Variants in NUDT3 observed in about 807,000 individuals in gnomAD.
The protein encoded by NUDT3 is diphosphoinositol polyphosphate phosphohydrolase 1.
Under a neutral mutation model 23.6 loss-of-function variants are expected in NUDT3, and 9 were observed. The ratio of observed to expected loss-of-function variants is 0.38; its 90% CI spans 0.23 to 0.66. NUDT3 has a LOEUF of 0.66. Among genes scored for constraint, NUDT3 ranks in the 30% least tolerant of loss-of-function variants. The pLI is 0.52. For missense variants in NUDT3, 172 were observed against 218.5 expected, an observed-to-expected ratio of 0.79 and a Z score of 1.34; for synonymous variants, 86 against 82.6, an observed-to-expected ratio of 1.04 and a Z score of -0.22.
chr6:34,303,909 C>T (rs1038794405), intron 2 of NUDT3, among the ~76,000 whole-genome samples: 16 of 152,114 alleles, frequency 1.1e-4, no homozygotes, highest in African/African-American at 3.9e-4. Context: ...AAAACAGATA[C>T]CATATGAATT....
intron 2 of NUDT3, among the ~76,000 whole-genome samples, chr6:34,336,808 G>A (rs999173265): frequency 6.6e-6 from 1 of 151,794 alleles, no homozygotes; most frequent in African/African-American, 2.4e-5. Flanking sequence ...TGAAACATCT[G>A]AAGGTTTTCA....
chr6:34,376,368 T>C (rs1764923159), intron 1 of NUDT3, among the ~76,000 whole-genome samples: 1 of 152,248 alleles, frequency 6.6e-6, no homozygotes. Flanking sequence ...AGCCTCGATC[T>C]CCCAGGCTCA....
At chr6:34,389,978 A>T (rs1340752218) in intron 1 of NUDT3, among the ~76,000 whole-genome samples, 2 of 143,250 alleles carry the variant, frequency 1.4e-5, no homozygotes, top group Non-Finnish European at 3.0e-5. Context: ...AAAAAAAAAA[A>T]TACAGAAAAC....
intron 2 of NUDT3, among the ~76,000 whole-genome samples, chr6:34,297,649 T>C (rs144911255): frequency 0.088 from 12,651 of 144,070 alleles, 684 homozygotes; most frequent in Non-Finnish European, 0.12. Flanking sequence ...GCGATTCTCT[T>C]GCCTCAGCCT....
At chr6:34,391,407 T>G (rs1257309037) in intron 1 of NUDT3, among the ~76,000 whole-genome samples, 1 of 152,206 alleles carries the variant, frequency 6.6e-6, no homozygotes, top group Admixed American at 6.5e-5. Flanking sequence ...AACATGTGCT[T>G]CTCTGAATTC....
intron 2 of NUDT3, among the ~76,000 whole-genome samples, chr6:34,319,553 G>A (rs1358661015): frequency 6.6e-6 from 1 of 152,162 alleles, no homozygotes; most frequent in Non-Finnish European, 1.5e-5. Flanking sequence ...GAACCTCCAC[G>A]TGTTCAGTTA....
rs1371251293 is a variant in NUDT3, at chr6:34,341,925, AG to A, written c.146del (p.Pro49LeufsTer25). On this transcript the variant is annotated frameshift_variant, in exon 2 of 5. Coordinates refer to ENST00000607016, the MANE Select transcript of NUDT3 (RefSeq NM_006703.4). LOFTEE classifies it high-confidence loss of function. ...SSRHPDRWIV[P>X]GGGMEPEEEP... The stretch of plus-strand genomic sequence containing the variant: ...CCTCCTCGGGCTCCATGCCTCCTCC[AG>A]GGACAATCCATCTGTCTGGATGGCG... 1 of 1,614,078 alleles carries A rather than the reference AG, an allele frequency of 6.2e-7. No homozygotes were observed. Among genetic ancestry groups the A allele is most frequent in the Non-Finnish European group, 8.5e-7 (1 of 1,179,958 alleles).
intron 2 of NUDT3, among the ~76,000 whole-genome samples, chr6:34,334,196 G>A (rs1472197342): frequency 6.6e-6 from 1 of 152,208 alleles, no homozygotes; most frequent in Non-Finnish European, 1.5e-5. Flanking sequence ...ACTTAACTGA[G>A]GCATTTGGAG....
chr6:34,306,186 G>T (rs368525966), intron 2 of NUDT3, among the ~76,000 whole-genome samples: 2 of 152,122 alleles, frequency 1.3e-5, no homozygotes, highest in African/African-American at 2.4e-5. Flanking sequence ...GACTTTCCCC[G>T]TAACTCTGAT....
intron 1 of NUDT3, among the ~76,000 whole-genome samples, chr6:34,343,149 T>C (rs1157766475): frequency 6.6e-6 from 1 of 152,204 alleles, no homozygotes; most frequent in African/African-American, 2.4e-5. Context: ...GTACTATTTT[T>C]CAAATATATT....
At chr6:34,342,944 T>C (rs953725246) in intron 1 of NUDT3, among the ~76,000 whole-genome samples, 3 of 152,174 alleles carry the variant, frequency 2.0e-5, no homozygotes, top group African/African-American at 7.2e-5. Context: ...TCTGCAGCTA[T>C]GGACCCTTGG....
At position 34,358,894 on chromosome 6, in the gene NUDT3, TA is replaced by T. The variant is rs1448454267; in HGVS notation, c.100-16923del. On this transcript the variant is annotated intron_variant, in intron 1 of 4. Coordinates refer to ENST00000607016, the MANE Select transcript of NUDT3 (RefSeq NM_006703.4). The stretch of plus-strand genomic sequence containing the variant: ...ATAGGAGAAAATTAAGATAGAAAGA[TA>T]GTTATTGCAAGGAAAATATTTTTAT... Among the ~76,000 whole-genome samples the T allele has an allele frequency of 2.6e-5, 4 of 152,282 alleles. No individual in the cohort carries two copies. The East Asian group carries it at 7.7e-4, about 29-fold the overall frequency.
chr6:34,292,148 C>G (rs1763432358), intron 4 of NUDT3, among the ~76,000 whole-genome samples: 1 of 152,146 alleles, frequency 6.6e-6, no homozygotes, highest in South Asian at 2.1e-4. Flanking sequence ...CCGCAGTCTC[C>G]TTTTCAAGCT....
At chr6:34,327,225 C>T (rs1433486967) in intron 2 of NUDT3, among the ~76,000 whole-genome samples, 1 of 152,038 alleles carries the variant, frequency 6.6e-6, no homozygotes, top group Non-Finnish European at 1.5e-5. Flanking sequence ...TTTTCTTCTA[C>T]GCACTTATCA....
chr6:34,388,786 G>A (rs2113773780), intron 1 of NUDT3, among the ~76,000 whole-genome samples: 1 of 152,186 alleles, frequency 6.6e-6, no homozygotes, highest in East Asian at 1.9e-4. Context: ...CATGTTTGTT[G>A]AACTGAACAA....
chr6:34,312,353 G>C (rs921879244), intron 2 of NUDT3, among the ~76,000 whole-genome samples: 2 of 149,238 alleles, frequency 1.3e-5, no homozygotes, highest in Non-Finnish European at 3.0e-5. Context: ...AGTGAGCTGT[G>C]ATCTTGCCAC....
At position 34,285,894 on chromosome 6, in the gene NUDT3, C is replaced by A. The variant is rs1279100493; in HGVS notation, c.*2859G>T. 6.6e-6 allele frequency: 1 copy of A among 152,178 alleles called. No individual in the cohort carries two copies. The highest frequency in any genetic ancestry group is 1.5e-5 in the Non-Finnish European group (1 of 68,026). 9.4% of individuals were successfully genotyped at this position (152,178 alleles called of 1,614,324 possible). Reference sequence around the variant, plus strand: ...GTAAGCACAATCTCTCAGTCAATTGCATTAACAGGAATCCATTCATGTCAC... The same window carrying A: ...GTAAGCACAATCTCTCAGTCAATTGAATTAACAGGAATCCATTCATGTCAC... On this transcript the variant is annotated 3_prime_UTR_variant, in exon 5 of 5. Coordinates refer to ENST00000607016, the MANE Select transcript of NUDT3 (RefSeq NM_006703.4).
chr6:34,381,432 AAAT>A (rs1340755260), intron 1 of NUDT3, among the ~76,000 whole-genome samples: 2 of 152,066 alleles, frequency 1.3e-5, no homozygotes, highest in Admixed American at 6.6e-5. Flanking sequence ...TTGTAACCAA[AAAT>A]AATAATTCCC....
intron 1 of NUDT3, among the ~76,000 whole-genome samples, chr6:34,343,425 A>AC (rs1429267245): frequency 6.6e-6 from 1 of 151,302 alleles, no homozygotes; most frequent in Non-Finnish European, 1.5e-5. Flanking sequence ...TTAGTGGTGC[A>AC]CACCTGTGGT....
Sources: allele counts gnomAD v4.1 joint callset (sites outside exome capture counted in the v4.1 genomes callset), GRCh38; gene constraint gnomAD v4.1.1; transcripts MANE v1.5; gene names NCBI Gene and HGNC (gene_info 2026-07-23, HGNC 2026-07-21).